Variants in SLC19A2 observed in about 807,000 individuals in gnomAD.
The protein encoded by SLC19A2 is solute carrier family 19 member 2.
A neutral mutation model predicts 44.7 loss-of-function variants in SLC19A2; 27 were observed. That is an observed-to-expected ratio of 0.60 (90% CI 0.45 to 0.83). SLC19A2 has a LOEUF of 0.83. Among genes scored for constraint, SLC19A2 ranks in the 40% least tolerant of loss-of-function variants. SLC19A2 has a pLI of 0.00. For synonymous variants in SLC19A2, 239 were observed against 243.6 expected, an observed-to-expected ratio of 0.98 and a Z score of 0.18; for missense variants, 566 against 613.7, an observed-to-expected ratio of 0.92 and a Z score of 0.82.
chr1:169,471,695 T>TGTGTGTGTGTGG (rs1658186255), intron 2 of SLC19A2, among the ~76,000 whole-genome samples: 1 of 145,960 alleles, frequency 6.9e-6, no homozygotes, highest in African/African-American at 2.5e-5. Context: ...TGTGTGTGTG[T>TGTGTGTGTGTGG]GTGTATATAT....
chr1:169,469,914 C>T lies in SLC19A2; in HGVS notation c.1030+50G>A, dbSNP rs1330176884. 2.0e-6 allele frequency: 3 copies of T among 1,526,608 alleles called. No homozygotes were observed. The South Asian group carries it at 3.4e-5, about 17-fold the overall frequency. 94.6% of individuals were successfully genotyped at this position (1,526,608 alleles called of 1,614,324 possible). A position where few individuals can be genotyped will look rare whatever the true frequency, so the allele number is the denominator to read the frequency against. On this transcript the variant is annotated intron_variant, in intron 3 of 5. Coordinates refer to ENST00000236137, the MANE Select transcript of SLC19A2 (RefSeq NM_006996.3). Reference sequence around the variant, plus strand: ...ATCTGATTATGGCTGGCTTAACTACCAGAGGAATCCCTCCCCCACCACGAC... The same window carrying T: ...ATCTGATTATGGCTGGCTTAACTACTAGAGGAATCCCTCCCCCACCACGAC...
intron 2 of SLC19A2, 122 bp downstream of exon 2, chr1:169,477,032 CA>C (rs1658336100): frequency 4.5e-6 from 5 of 1,101,318 alleles, no homozygotes; most frequent in Non-Finnish European, 6.9e-6. Flanking sequence ...AGCAATAAAC[CA>C]ACTCAGGATA....
rs1487420223 is a variant in SLC19A2 at position 169,481,381 on chromosome 1, GA to G, written c.205-3625del. Among the ~76,000 whole-genome samples the G allele has an allele frequency of 9.2e-5, 14 of 152,316 alleles. No individual in the cohort carries two copies. The East Asian group carries it at 2.7e-3, about 29-fold the overall frequency. On this transcript the variant is annotated intron_variant, in intron 1 of 5. Coordinates refer to ENST00000236137, the MANE Select transcript of SLC19A2 (RefSeq NM_006996.3). ...CTAAAATGCCTGGTTTCTTCAATCA[GA>G]AAACTGCTATTAATCATCTACTATC...
At position 169,485,611 on chromosome 1, in the gene SLC19A2, G is replaced by T. The variant is rs375301246; in HGVS notation, c.156C>A (p.Phe52Leu). ...FFASLRPSEPFLTPYLLGPDK... is the reference protein window; with the variant it reads ...FFASLRPSEPLLTPYLLGPDK... ...CCGGCCCCAGCAGGTACGGGGTCAG[G>T]AAGGGCTCGGACGGCCTGAGGCTGG... The change falls in exon 1 of 6, where the codon TTC (phenylalanine) becomes TTA (leucine). Residue 52 changes from phenylalanine (F) to leucine (L), a missense_variant. By Grantham distance (22) the Phe-to-Leu change is conservative. Coordinates refer to ENST00000236137, the MANE Select transcript of SLC19A2 (RefSeq NM_006996.3). 1 of 1,577,452 alleles carries T rather than the reference G, an allele frequency of 6.3e-7. No individual in the cohort carries two copies. The highest frequency in any genetic ancestry group is 2.3e-5 in the East Asian group (1 of 42,660).
At position 169,477,664 on chromosome 1, in the gene SLC19A2, C is replaced by T. The variant is rs1338413670; in HGVS notation, c.298G>A (p.Val100Ile). ...AGGCTGAGCCCCTGCAGTAGAACAA[C>T]AGGTTTATAACGGAGGTAGTCTGTG... ...LATDYLRYKP[V>I]VLLQGLSLIV... is the part of the protein sequence containing the mutation. The change falls in exon 2 of 6, where the codon GTT becomes ATT. Residue 100 changes from valine (V) to isoleucine (I), a missense_variant. Physicochemically the swap from Val to Ile is conservative, Grantham distance 29. Transcript: ENST00000236137. 1.9e-6 allele frequency: 3 copies of T among 1,613,592 alleles called. No individual in the cohort carries two copies. The highest frequency in any genetic ancestry group is 2.5e-6 in the Non-Finnish European group (3 of 1,179,976).
intron 2 of SLC19A2, among the ~76,000 whole-genome samples, chr1:169,474,952 G>GT (rs1181598295): frequency 6.6e-6 from 1 of 152,012 alleles, no homozygotes; most frequent in African/African-American, 2.4e-5. Context: ...ACCGAGAAAG[G>GT]TTTAGAAAGA....
chr1:169,470,060 C>T lies in SLC19A2; in HGVS notation c.934G>A (p.Val312Ile). The change falls in exon 3 of 6, where the codon GTT becomes ATT. Residue 312 changes from valine (V) to isoleucine (I), a missense_variant. By Grantham distance (29) the Val-to-Ile change is conservative. Transcript: ENST00000236137. ...WALSTCGYFQ[V>I]VNYTQGLWEK... ...CACAGGCCCTGTGTGTAGTTCACAA[C>T]TTGAAAATAGCCACAGGTAGAGAGG... 1 of 1,614,014 alleles carries T rather than the reference C, an allele frequency of 6.2e-7. No individual in the cohort carries two copies. The highest frequency in any genetic ancestry group is 1.7e-5 in the Admixed American group (1 of 59,998).
chr1:169,469,955 A>G lies in SLC19A2; in HGVS notation c.1030+9T>C. On this transcript the variant is annotated intron_variant, in intron 3 of 5. Transcript: ENST00000236137. ...CCACCACGACCCTCTATTATCCTGC[A>G]TTGCTTACCCAGTAAGGTTGAAACG... The G allele has an allele frequency of 6.2e-7, 1 of 1,612,490 alleles. No homozygotes were observed.
chr1:169,474,341 T>C (rs1658260684), intron 2 of SLC19A2, among the ~76,000 whole-genome samples: 3 of 152,206 alleles, frequency 2.0e-5, no homozygotes, highest in African/African-American at 7.2e-5. Context: ...TTACTAGGTA[T>C]TAATTACATG....
chr1:169,469,999 T>C lies in SLC19A2; in HGVS notation c.995A>G (p.Tyr332Cys), dbSNP rs1658128953. The change falls in exon 3 of 6, where the codon TAT becomes TGT. Residue 332 changes from tyrosine to cysteine, a missense_variant. By Grantham distance (194) the Tyr-to-Cys change is radical (BLOSUM62 -2). Transcript: ENST00000236137. ...TGAAACGGCCTCCACGCCACCATTATAGATAGCAGCATAGCGAGAAGGCAT... is the reference window on the plus strand; with the variant it reads ...TGAAACGGCCTCCACGCCACCATTACAGATAGCAGCATAGCGAGAAGGCAT... ...KVMPSRYAAI[Y>C]NGGVEAVSTL... 6.2e-7 allele frequency: 1 copy of C among 1,613,948 alleles called. No homozygotes were observed. The highest frequency in any genetic ancestry group is 8.5e-7 in the Non-Finnish European group (1 of 1,179,886).
intron 2 of SLC19A2, among the ~76,000 whole-genome samples, chr1:169,474,609 A>T (rs1184301619): frequency 6.6e-6 from 1 of 152,064 alleles, no homozygotes; most frequent in African/African-American, 2.4e-5. Flanking sequence ...CTCTTACTTC[A>T]TTTTCTCTTT....
rs1193486079 is a variant in SLC19A2, at chr1:169,477,272, G to A, written c.690C>T (p.Ile230=). 6.2e-7 allele frequency: 1 copy of A among 1,614,074 alleles called. No individual in the cohort carries two copies. The highest frequency in any genetic ancestry group is 8.5e-7 in the Non-Finnish European group (1 of 1,180,044). ...IPSTCQRVNG[I]KVQNGGIVTD... is the part of the protein sequence containing the mutation. ...TAACAATGCCACCATTTTGTACCTT[G>A]ATGCCATTCACTCTCTGGCAGGTAG... Residue 230 remains isoleucine (I), a synonymous_variant, in exon 2 of 6, where the codon ATC becomes ATT. Coordinates refer to ENST00000236137, the MANE Select transcript of SLC19A2 (RefSeq NM_006996.3).
At chr1:169,470,400 T>C (rs1387110789) in intron 2 of SLC19A2, among the ~76,000 whole-genome samples, 1 of 152,200 alleles carries the variant, frequency 6.6e-6, no homozygotes, top group African/African-American at 2.4e-5. Context: ...TTAACACAGC[T>C]GTATGTAATC....
At chr1:169,474,117 G>T (rs1658256443) in intron 2 of SLC19A2, 1 of 152,116 alleles carries the variant, frequency 6.6e-6, no homozygotes. Flanking sequence ...GTTTATTGTA[G>T]TTTTTTATTT....
chr1:169,468,638 A>G lies in SLC19A2; in HGVS notation c.1223+6T>C, dbSNP rs1658091227. 6.2e-7 allele frequency: 1 copy of G among 1,612,976 alleles called. No individual in the cohort carries two copies. On this transcript the variant is annotated splice_donor_region_variant and intron_variant, in intron 4 of 5. Coordinates refer to ENST00000236137, the MANE Select transcript of SLC19A2 (RefSeq NM_006996.3). ...TCCTAAGGCTTCTATGAGCCAAAAT[A>G]CATACGTTGCTATCGTGATGAGTAA...
Position 169,465,722 on chromosome 1 carries a change from C to A in SLC19A2, c.*127G>T. 2.0e-6 allele frequency: 2 copies of A among 978,296 alleles called. No homozygotes were observed. The highest frequency in any genetic ancestry group is 3.2e-6 in the Non-Finnish European group (2 of 619,542). 60.6% of individuals were successfully genotyped at this position (978,296 alleles called of 1,614,324 possible). On this transcript the variant is annotated 3_prime_UTR_variant, in exon 6 of 6. Coordinates refer to ENST00000236137, the MANE Select transcript of SLC19A2 (RefSeq NM_006996.3). ...TATTCCCGGAACACAAGGTATTAGT[C>A]AAGTGGCTGCTGTGAAGTCAAGAAA...
chr1:169,465,387 T>C lies in SLC19A2; in HGVS notation c.*462A>G, dbSNP rs1213145752. On this transcript the variant is annotated 3_prime_UTR_variant, in exon 6 of 6. Coordinates refer to ENST00000236137, the MANE Select transcript of SLC19A2 (RefSeq NM_006996.3). ...GAGTAACACAGAAATAAGAATTAAATTGAATAGAGGCAGATGCTGTTAGAA... is the reference window on the plus strand; with the variant it reads ...GAGTAACACAGAAATAAGAATTAAACTGAATAGAGGCAGATGCTGTTAGAA... 2.9e-5 allele frequency: 5 copies of C among 175,182 alleles called. No homozygotes were observed. In the East Asian group the frequency reaches 6.1e-4, roughly 21 times the overall value. The allele number at this position is 175,182 out of a possible 1,614,324, so 10.9% of individuals were successfully genotyped here.
chr1:169,469,431 G>C lies in SLC19A2; in HGVS notation c.1030+533C>G, dbSNP rs936399085. Among the ~76,000 whole-genome samples the C allele has an allele frequency of 1.5e-4, 23 of 152,176 alleles. 1 individual carries two copies. The highest frequency in any genetic ancestry group is 4.4e-5 in the Non-Finnish European group (3 of 68,028). On this transcript the variant is annotated intron_variant, in intron 3 of 5. Transcript: ENST00000236137. ...CAGGCTCTGAAGCCATCCTGCCTGAGTTCAAGTCTTGACTTTACTACTTAC... is the reference window on the plus strand; with the variant it reads ...CAGGCTCTGAAGCCATCCTGCCTGACTTCAAGTCTTGACTTTACTACTTAC...
At chr1:169,473,409 A>AT (rs34688678) in intron 2 of SLC19A2, among the ~76,000 whole-genome samples, 2,026 of 138,632 alleles carry the variant, frequency 0.015, 35 homozygotes, top group African/African-American at 0.046. Flanking sequence ...TAGTTTTTGT[A>AT]TTTTTTTTTT....
Sources: allele counts gnomAD v4.1 joint callset (sites outside exome capture counted in the v4.1 genomes callset), GRCh38; gene constraint gnomAD v4.1.1; transcripts MANE v1.5; gene names NCBI Gene and HGNC (gene_info 2026-07-23, HGNC 2026-07-21).